Variants in COLEC10 observed in about 807,000 individuals in gnomAD.
COLEC10 encodes the protein collectin-10.
Under a neutral mutation model 28.4 loss-of-function variants are expected in COLEC10, and 22 were observed. The ratio of observed to expected loss-of-function variants is 0.78; its 90% CI spans 0.55 to 1.11. COLEC10 has a LOEUF of 1.11. COLEC10 is among the 50% of genes least tolerant of loss of function. The probability of loss-of-function intolerance (pLI) is 0.00; values close to 1 mark genes in which losing one functional copy is unlikely to be tolerated. For missense variants in COLEC10, 361 were observed against 344.1 expected, an observed-to-expected ratio of 1.05 and a Z score of -0.39; for synonymous variants, 125 against 116.1, an observed-to-expected ratio of 1.08 and a Z score of -0.49.
chr8:118,966,694 T>G, the COLEC10 span, among the ~76,000 whole-genome samples: 4 of 151,922 alleles, frequency 2.6e-5, no homozygotes, highest in African/African-American at 9.7e-5. Context: ...TTTTTTTAAA[T>G]GACTGGGACT....
At chr8:118,998,245 A>G (rs1409155455) in intron 1 of COLEC10, among the ~76,000 whole-genome samples, 1 of 152,214 alleles carries the variant, frequency 6.6e-6, no homozygotes, top group Non-Finnish European at 1.5e-5. Flanking sequence ...CCTTTTACCC[A>G]TGACATATTT....
At chr8:118,980,305 G>T in the COLEC10 span, among the ~76,000 whole-genome samples, 1 of 150,012 alleles carries the variant, frequency 6.7e-6, no homozygotes, top group South Asian at 2.1e-4. Context: ...AGATTCTCAT[G>T]CCTCAGCTTC....
chr8:118,978,211 C>G, the COLEC10 span, among the ~76,000 whole-genome samples: 1 of 152,064 alleles, frequency 6.6e-6, no homozygotes, highest in Non-Finnish European at 1.5e-5. Flanking sequence ...TCAAGTATTT[C>G]AAGGGAAGTC....
the COLEC10 span, among the ~76,000 whole-genome samples, chr8:118,962,538 C>G: frequency 6.6e-6 from 1 of 152,130 alleles, no homozygotes; most frequent in African/African-American, 2.4e-5. Context: ...ATACCATCAC[C>G]ACAATCAAGG....
intron 1 of COLEC10, among the ~76,000 whole-genome samples, chr8:118,997,244 C>T (rs1813604661): frequency 6.6e-6 from 1 of 152,158 alleles, no homozygotes; most frequent in Non-Finnish European, 1.5e-5. Flanking sequence ...ATATTTCCTA[C>T]AATTACTTAG....
At chr8:119,068,398 GAACAA>G (rs1815016905) in intron 1 of COLEC10, 1 of 152,132 alleles carries the variant, frequency 6.6e-6, no homozygotes, top group Admixed American at 6.6e-5. Context: ...ATGCTGTGAG[GAACAA>G]TGAGAGCTTA....
At chr8:119,015,308 C>T (rs1321837450) in intron 2 of COLEC10, among the ~76,000 whole-genome samples, 2 of 150,746 alleles carry the variant, frequency 1.3e-5, no homozygotes, top group Admixed American at 6.6e-5. Flanking sequence ...TCAAGTCCCT[C>T]CCACTGTCTG....
intron 1 of COLEC10, among the ~76,000 whole-genome samples, chr8:119,069,505 T>A (rs1815046005): frequency 1.4e-5 from 2 of 146,526 alleles, no homozygotes. Flanking sequence ...TACTTGGACG[T>A]CTGAGGCAGG....
At chr8:119,001,685 C>G (rs558288368) in intron 1 of COLEC10, among the ~76,000 whole-genome samples, 2 of 146,176 alleles carry the variant, frequency 1.4e-5, no homozygotes, top group East Asian at 4.1e-4. Flanking sequence ...TCCACTTTTA[C>G]CAGACACCAG....
intron 1 of COLEC10, among the ~76,000 whole-genome samples, chr8:119,084,454 G>C (rs1466042832): frequency 1.3e-5 from 2 of 152,136 alleles, no homozygotes; most frequent in Non-Finnish European, 2.9e-5. Context: ...TTTCAGAAGA[G>C]AAAATGGAAT....
the COLEC10 span, among the ~76,000 whole-genome samples, chr8:118,980,148 T>C: frequency 6.6e-6 from 1 of 151,902 alleles, no homozygotes; most frequent in Non-Finnish European, 1.5e-5. Context: ...CTCAAAGGCA[T>C]GAACACCAGG....
chr8:119,001,053 C>A (rs1327089787), intron 1 of COLEC10, among the ~76,000 whole-genome samples: 4 of 152,132 alleles, frequency 2.6e-5, no homozygotes, highest in Non-Finnish European at 5.9e-5. Flanking sequence ...CCTTCTCCAA[C>A]CTTTTCATAT....
chr8:118,980,061 T>C, the COLEC10 span, among the ~76,000 whole-genome samples: 1 of 152,078 alleles, frequency 6.6e-6, no homozygotes, highest in East Asian at 1.9e-4. Context: ...ACAACCTAAT[T>C]TCAGAAGTCA....
intron 2 of COLEC10, among the ~76,000 whole-genome samples, chr8:119,050,340 A>C (rs761388453): frequency 4.6e-5 from 7 of 152,318 alleles, no homozygotes; most frequent in Non-Finnish European, 8.8e-5. Context: ...TGGCCTACAA[A>C]ATTTTGGTTT....
At chr8:119,087,041 T>A (rs576184193) in intron 1 of COLEC10, among the ~76,000 whole-genome samples, 1 of 152,330 alleles carries the variant, frequency 6.6e-6, no homozygotes, top group South Asian at 2.1e-4. Flanking sequence ...AAGGATAGTA[T>A]CCATCTCAAA....
At chr8:119,079,608 T>A (rs1046610957) in intron 1 of COLEC10, among the ~76,000 whole-genome samples, 1 of 39,290 alleles carries the variant, frequency 2.5e-5, no homozygotes, top group African/African-American at 9.6e-5. Context: ...GTTCCCACCC[T>A]CCCACCCCCA....
chr8:119,073,246 A>T (rs1815160333), intron 1 of COLEC10, among the ~76,000 whole-genome samples: 1 of 152,218 alleles, frequency 6.6e-6, no homozygotes, highest in Non-Finnish European at 1.5e-5. Context: ...GCATTGTTCC[A>T]TTCTTCCATG....
At chr8:118,982,960 C>T in the COLEC10 span, 1 of 152,146 alleles carries the variant, frequency 6.6e-6, no homozygotes, top group Non-Finnish European at 1.5e-5. Flanking sequence ...TTTATTTAGC[C>T]AGCTAGCCAT....
chr8:119,015,032 C>T (rs1813966158), intron 2 of COLEC10, among the ~76,000 whole-genome samples: 1 of 151,044 alleles, frequency 6.6e-6, no homozygotes, highest in African/African-American at 2.5e-5. Context: ...TAAAGAATTC[C>T]AATCTGATAA....
Sources: allele counts gnomAD v4.1 joint callset (sites outside exome capture counted in the v4.1 genomes callset), GRCh38; gene constraint gnomAD v4.1.1; transcripts MANE v1.5; gene names NCBI Gene and HGNC (gene_info 2026-07-23, HGNC 2026-07-21).